The following TRIM34 variants were observed in gnomAD, a reference collection of about 807,000 sequenced individuals.
The protein encoded by TRIM34 is E3 ubiquitin-protein ligase TRIM34.
A neutral mutation model predicts 38.1 loss-of-function variants in TRIM34; 41 were observed. That is an observed-to-expected ratio of 1.08 (90% CI 0.84 to 1.40). The LOEUF (loss-of-function observed/expected upper bound fraction) is 1.40, where lower values mean the gene tolerates loss of function less well. Among genes scored for constraint, TRIM34 ranks in the 40% most tolerant of loss-of-function variants. TRIM34 has a pLI of 0.00. For synonymous variants in TRIM34, 200 were observed against 202.5 expected (o/e 0.99, Z 0.10); for missense variants, 556 against 571.4 (o/e 0.97, Z 0.27).
At chr11:5,620,422 C>CGA (rs1848948673), upstream of TRIM34, among the ~76,000 whole-genome samples, 4 of 151,638 alleles carry the variant, frequency 2.6e-5, no homozygotes, top group South Asian at 8.3e-4. Flanking sequence ...AGACTGGACT[C>CGA]TAACTCCTGA....
chr11:5,628,676 C>T (rs1373597481), intron 1 of TRIM34, among the ~76,000 whole-genome samples: 1 of 152,152 alleles, frequency 6.6e-6, no homozygotes, highest in African/African-American at 2.4e-5. Context: ...CACTATCAAA[C>T]CTGTTCAATT....
At chr11:5,621,369 T>A (rs2133894406), upstream of TRIM34, among the ~76,000 whole-genome samples, 1 of 152,378 alleles carries the variant, frequency 6.6e-6, no homozygotes, top group South Asian at 2.1e-4. Flanking sequence ...TCTGCCTGTG[T>A]AAACAAGCCT....
chr11:5,636,778 T>C (rs529474499), intron 4 of TRIM34, among the ~76,000 whole-genome samples: 2 of 152,342 alleles, frequency 1.3e-5, no homozygotes, highest in South Asian at 4.1e-4. Flanking sequence ...CTTCAAAGAA[T>C]GGCAAATGGA....
chr11:5,642,217 A>G (rs1278192388), intron 5 of TRIM34, among the ~76,000 whole-genome samples, 189 bp from the exon 6 acceptor site: 1 of 152,140 alleles, frequency 6.6e-6, no homozygotes, highest in Non-Finnish European at 1.5e-5. Flanking sequence ...CACCCAGAGG[A>G]TAAGAGGGAA....
intron 4 of TRIM34, among the ~76,000 whole-genome samples, chr11:5,638,460 A>C (rs1240247855): frequency 6.6e-6 from 1 of 151,980 alleles, no homozygotes; most frequent in Non-Finnish European, 1.5e-5. Context: ...CAGAGAGCAA[A>C]ACCATTTATT....
chr11:5,633,771 T>C (rs373833704), intron 2 of TRIM34, 33 bp from the exon 3 acceptor site: 63 of 1,598,608 alleles, frequency 3.9e-5, no homozygotes, highest in Admixed American at 7.1e-5. Flanking sequence ...AGAAAGCTTA[T>C]AGCTTGACTG....
At chr11:5,634,504 C>T (rs1243801709) in intron 3 of TRIM34, 127 bp from the exon 4 acceptor site, 5 of 415,506 alleles carry the variant, frequency 1.2e-5, no homozygotes, top group African/African-American at 7.0e-5. Context: ...CACACACACA[C>T]ACACACACAC....
chr11:5,621,738 TA>T (rs1220460526), upstream of TRIM34, among the ~76,000 whole-genome samples: 1 of 152,190 alleles, frequency 6.6e-6, no homozygotes, highest in East Asian at 1.9e-4. Flanking sequence ...CTCACTGACA[TA>T]AATGCCTATC....
chr11:5,629,535 T>A (rs1470883241), intron 1 of TRIM34, among the ~76,000 whole-genome samples: 1 of 152,150 alleles, frequency 6.6e-6, no homozygotes, highest in Non-Finnish European at 1.5e-5. Flanking sequence ...GAATTGGCAT[T>A]GTATCATCAT....
Position 5,643,686 on chromosome 11 carries a change from ACT to A in TRIM34, c.1447_1448del (p.Leu483MetfsTer76). ...TCCTTGGAACTGTCCAGCTCCCATGACTCTATGCCCACCAAGCTCTTGAATTT... is the reference window on the plus strand; with the variant it reads ...TCCTTGGAACTGTCCAGCTCCCATGACTATGCCCACCAAGCTCTTGAATTT... ...FNPWNCPAPM[T>X]LCPPSS On this transcript the variant is annotated frameshift_variant, in exon 8 of 8. Transcript: ENST00000429814. LOFTEE classifies it high-confidence loss of function. 6.3e-7 allele frequency: 1 copy of A among 1,599,548 alleles called. No homozygotes were observed. The highest frequency in any genetic ancestry group is 1.1e-5 in the South Asian group (1 of 88,220).
chr11:5,634,045 G>A, intron 3 of TRIM34, 146 bp downstream of exon 3: 1 of 822,738 alleles, frequency 1.2e-6, no homozygotes, highest in Non-Finnish European at 1.8e-6. Context: ...CCTGTTGGGG[G>A]TGGAGGCTAG....
chr11:5,639,625 A>T (rs553044811), intron 4 of TRIM34, among the ~76,000 whole-genome samples: 1 of 138,732 alleles, frequency 7.2e-6, no homozygotes, highest in Non-Finnish European at 1.5e-5. Flanking sequence ...GGTTGCAGCG[A>T]GCCAAGTTCG....
chr11:5,625,225 A>G (rs1409415875), intron 1 of TRIM34, among the ~76,000 whole-genome samples, 165 bp downstream of exon 1: 2 of 152,170 alleles, frequency 1.3e-5, no homozygotes, highest in East Asian at 3.9e-4. Context: ...ATAGCAGCCT[A>G]GAGTCTGGGG....
At position 5,642,415 on chromosome 11, in the gene TRIM34, C is replaced by A. The variant is rs1366064270; in HGVS notation, c.783C>A (p.Ile261=). The A allele has an allele frequency of 3.1e-6, 5 of 1,612,788 alleles. No individual in the cohort carries two copies. Among genetic ancestry groups the A allele is most frequent in the Non-Finnish European group, 4.2e-6 (5 of 1,179,908 alleles). ...TTTTTTTCATCCCTAGGAGTGAGAT[C>A]TGGAGGCTGAAAAAGCCAAAAATGG... is the stretch of plus-strand genomic sequence containing the variant. ...DMSGIMKWSE[I]WRLKKPKMVS... is the part of the protein sequence containing the mutation. Residue 261 remains isoleucine (I), a synonymous_variant, in exon 6 of 8, where the codon ATC becomes ATA. Coordinates refer to ENST00000429814, the MANE Select transcript of TRIM34 (RefSeq NM_021616.6).
At chr11:5,622,691 T>A (rs1021564387), upstream of TRIM34, among the ~76,000 whole-genome samples, 1 of 152,190 alleles carries the variant, frequency 6.6e-6, no homozygotes, top group Non-Finnish European at 1.5e-5. Context: ...AAAAATTGAA[T>A]GTCATCCACA....
At chr11:5,635,549 C>G (rs1386287935) in intron 4 of TRIM34, among the ~76,000 whole-genome samples, 1 of 152,166 alleles carries the variant, frequency 6.6e-6, no homozygotes, top group Non-Finnish European at 1.5e-5. Context: ...ACCCACCGCA[C>G]CCAGCCCCCT....
At chr11:5,620,717 T>C (rs1015804060), upstream of TRIM34, among the ~76,000 whole-genome samples, 2 of 152,174 alleles carry the variant, frequency 1.3e-5, no homozygotes, top group Non-Finnish European at 2.9e-5. Context: ...TGTCATGGGC[T>C]CCCTCTGCAA....
chr11:5,634,774 T>C lies in TRIM34; in HGVS notation c.663T>C (p.Asp221=), dbSNP rs745714767. The C allele has an allele frequency of 6.2e-7, 1 of 1,614,012 alleles. No homozygotes were observed. The highest frequency in any genetic ancestry group is 8.5e-7 in the Non-Finnish European group (1 of 1,179,938). ...TGGATAAGTTTGCAGAGGCTGAGGA[T>C]GAGCTAGTTCAGCAGAAGCAGTTGG... is the stretch of plus-strand genomic sequence containing the variant. ...KTLDKFAEAE[D]ELVQQKQLVR... is the part of the protein sequence containing the mutation. Residue 221 remains aspartate, a synonymous_variant, in exon 4 of 8, where the codon GAT becomes GAC. Transcript: ENST00000429814.
chr11:5,628,096 G>C (rs1469411373), intron 1 of TRIM34, among the ~76,000 whole-genome samples: 1 of 152,114 alleles, frequency 6.6e-6, no homozygotes, highest in Non-Finnish European at 1.5e-5. Context: ...GAAGTGGTGG[G>C]GTCATTTCTC....
Sources: allele counts gnomAD v4.1 joint callset (sites outside exome capture counted in the v4.1 genomes callset), GRCh38; gene constraint gnomAD v4.1.1; transcripts MANE v1.5; gene names NCBI Gene and HGNC (gene_info 2026-07-23, HGNC 2026-07-21).